Variants in MAP2K4 observed in about 807,000 individuals in gnomAD.
MAP2K4 encodes dual specificity mitogen-activated protein kinase kinase 4.
In MAP2K4, 4 loss-of-function variants were observed where a neutral mutation model predicts 48.5. That is an observed-to-expected ratio of 0.08 (90% CI 0.04 to 0.19). MAP2K4 has a LOEUF of 0.19. Ranked by LOEUF, MAP2K4 falls within the 10% of genes least tolerant of loss-of-function variation. MAP2K4 has a pLI of 1.00. For missense variants in MAP2K4, 258 were observed against 493.3 expected (o/e 0.52, Z 4.52); for synonymous variants, 166 against 173.1 (o/e 0.96, Z 0.32).
At chr17:12,117,649 T>C (rs1468523046) in intron 7 of MAP2K4, among the ~76,000 whole-genome samples, 1 of 152,104 alleles carries the variant, frequency 6.6e-6, no homozygotes, top group Non-Finnish European at 1.5e-5. Context: ...AAAGTTAATG[T>C]TGAAAATGTC....
intron 8 of MAP2K4, 38 bp from the exon 9 acceptor site, chr17:12,129,100 GC>G (rs1398470483): frequency 6.2e-7 from 1 of 1,605,274 alleles, no homozygotes; most frequent in East Asian, 2.2e-5. Flanking sequence ...AGTAAATGAT[GC>G]CTGGTGTATT....
At chr17:12,083,058 ACTTTT>A (rs1356961876) in intron 3 of MAP2K4, among the ~76,000 whole-genome samples, 2 of 152,088 alleles carry the variant, frequency 1.3e-5, no homozygotes, top group African/African-American at 4.8e-5. Flanking sequence ...AAAGTTGTAA[ACTTTT>A]CTTTCAGGTA....
chr17:12,092,987 C>G (rs1015226148), intron 3 of MAP2K4, among the ~76,000 whole-genome samples: 9 of 152,180 alleles, frequency 5.9e-5, no homozygotes, highest in Non-Finnish European at 1.3e-4. Flanking sequence ...GATCGCGCCA[C>G]TGCACTCCGG....
At chr17:12,076,562 A>G (rs1971016934) in intron 2 of MAP2K4, among the ~76,000 whole-genome samples, 4 of 152,230 alleles carry the variant, frequency 2.6e-5, no homozygotes, top group Admixed American at 2.0e-4. Context: ...ATATCAAAAT[A>G]TAATTTCTGT....
intron 7 of MAP2K4, among the ~76,000 whole-genome samples, chr17:12,117,516 T>C (rs956490480): frequency 1.1e-4 from 17 of 152,172 alleles, no homozygotes; most frequent in African/African-American, 3.9e-4. Context: ...TAAAATGGCA[T>C]GTATGCAGGC....
intron 4 of MAP2K4, among the ~76,000 whole-genome samples, chr17:12,103,384 A>T (rs970832502): frequency 8.0e-5 from 12 of 150,786 alleles, no homozygotes; most frequent in Admixed American, 4.0e-4. Context: ...TTCTATTATT[A>T]TTTTTTTTGA....
chr17:12,133,289 C>A (rs977411923), intron 9 of MAP2K4, among the ~76,000 whole-genome samples: 1 of 152,186 alleles, frequency 6.6e-6, no homozygotes, highest in African/African-American at 2.4e-5. Flanking sequence ...ACCACACTGG[C>A]CAGGCTGGTC....
chr17:12,134,184 T>G (rs1431619644), intron 9 of MAP2K4, among the ~76,000 whole-genome samples: 1 of 152,244 alleles, frequency 6.6e-6, no homozygotes, highest in Non-Finnish European at 1.5e-5. Context: ...GATACTGCAA[T>G]GATGGCTCTC....
chr17:12,097,287 G>A (rs964051609), intron 4 of MAP2K4, among the ~76,000 whole-genome samples: 6 of 152,136 alleles, frequency 3.9e-5, no homozygotes, highest in African/African-American at 1.2e-4. Flanking sequence ...TGCTGTATTC[G>A]TTTTCATTAT....
At chr17:12,114,830 C>T (rs1043321278) in intron 7 of MAP2K4, among the ~76,000 whole-genome samples, 2 of 152,138 alleles carry the variant, frequency 1.3e-5, no homozygotes, top group Non-Finnish European at 2.9e-5. Flanking sequence ...AACAGACTTT[C>T]GTCATTCTTG....
chr17:12,046,336 G>T (rs1969962957), intron 1 of MAP2K4, among the ~76,000 whole-genome samples: 1 of 152,048 alleles, frequency 6.6e-6, no homozygotes, highest in South Asian at 2.1e-4. Flanking sequence ...GGGTTCGGGG[G>T]GTTATTTCGG....
intron 4 of MAP2K4, among the ~76,000 whole-genome samples, chr17:12,104,365 C>T (rs1016883248): frequency 6.6e-6 from 1 of 151,976 alleles, no homozygotes; most frequent in Non-Finnish European, 1.5e-5. Context: ...TAGCCACATA[C>T]ATTGTACAGA....
intron 1 of MAP2K4, among the ~76,000 whole-genome samples, chr17:12,028,982 G>T (rs1382165247): frequency 6.6e-6 from 1 of 152,190 alleles, no homozygotes; most frequent in Non-Finnish European, 1.5e-5. Flanking sequence ...CAGTTTCACA[G>T]TTGGAACTAG....
At chr17:12,096,133 G>A (rs1468717844) in intron 4 of MAP2K4, among the ~76,000 whole-genome samples, 1 of 128,700 alleles carries the variant, frequency 7.8e-6, no homozygotes, top group Non-Finnish European at 1.5e-5. Context: ...GTCATCAAGT[G>A]TATGTCTGCA....
intron 9 of MAP2K4, among the ~76,000 whole-genome samples, chr17:12,137,890 A>G (rs1007866045): frequency 2.0e-5 from 3 of 152,004 alleles, no homozygotes; most frequent in African/African-American, 7.3e-5. Flanking sequence ...GTATAAATTT[A>G]CCTTTTAAAT....
At chr17:12,073,135 A>G (rs1229713152) in intron 2 of MAP2K4, among the ~76,000 whole-genome samples, 2 of 152,242 alleles carry the variant, frequency 1.3e-5, no homozygotes, top group Non-Finnish European at 2.9e-5. Flanking sequence ...AATGGATACT[A>G]ATAGTAACAC....
intron 7 of MAP2K4, chr17:12,124,411 C>T (rs1395746112): frequency 1.3e-5 from 2 of 152,148 alleles, no homozygotes; most frequent in African/African-American, 4.8e-5. Context: ...ATATTACTGT[C>T]TTGGCAGTGC....
At chr17:12,134,924 G>C (rs190061031) in intron 9 of MAP2K4, among the ~76,000 whole-genome samples, 1 of 152,076 alleles carries the variant, frequency 6.6e-6, no homozygotes, top group African/African-American at 2.4e-5. Flanking sequence ...TTTGAGATAG[G>C]GTCTCACTCA....
chr17:12,093,513 G>A (rs533009635), intron 3 of MAP2K4, among the ~76,000 whole-genome samples: 3 of 152,154 alleles, frequency 2.0e-5, no homozygotes, highest in South Asian at 4.1e-4. Context: ...CTTCCTAGTT[G>A]AAATATAAAT....
Sources: allele counts gnomAD v4.1 joint callset (sites outside exome capture counted in the v4.1 genomes callset), GRCh38; gene constraint gnomAD v4.1.1; transcripts MANE v1.5; gene names NCBI Gene and HGNC (gene_info 2026-07-23, HGNC 2026-07-21).